BICD1: variants seen among roughly 807,000 people sequenced by gnomAD.
The protein encoded by BICD1 is protein bicaudal D homolog 1.
BICD1 carries 35 observed loss-of-function variants against 92.5 expected under a neutral mutation model. The observed-to-expected ratio is 0.38, with a 90% confidence interval of 0.29 to 0.50. The LOEUF is 0.50. Ranked by LOEUF, BICD1 falls within the 20% of genes least tolerant of loss-of-function variation. The probability of loss-of-function intolerance (pLI) is 0.93; values close to 1 mark genes in which losing one functional copy is unlikely to be tolerated. For synonymous variants in BICD1, 429 were observed against 465.1 expected (o/e 0.92, Z 1.00); for missense variants, 950 against 1,189.8 (o/e 0.80, Z 2.97).
At chr12:32,364,915 G>A (rs1005054422) in intron 8 of BICD1, among the ~76,000 whole-genome samples, 1 of 152,012 alleles carries the variant, frequency 6.6e-6, no homozygotes, top group Non-Finnish European at 1.5e-5. Context: ...AGCCACCTAG[G>A]CAACAGCATG....
At chr12:32,347,419 C>T (rs1230347848) in intron 8 of BICD1, among the ~76,000 whole-genome samples, 1 of 151,662 alleles carries the variant, frequency 6.6e-6, no homozygotes, top group Non-Finnish European at 1.5e-5. Context: ...GCGGGCAGAT[C>T]ACAAGGTCAA....
At chr12:32,158,184 C>T (rs1461148709) in intron 1 of BICD1, among the ~76,000 whole-genome samples, 1 of 150,126 alleles carries the variant, frequency 6.7e-6, no homozygotes, top group Non-Finnish European at 1.5e-5. Flanking sequence ...CAGCTCGCTG[C>T]AACCTCCGCC....
At chr12:32,107,986 C>T (rs1390805810) in intron 1 of BICD1, 1 of 421,720 alleles carries the variant, frequency 2.4e-6, no homozygotes, top group African/African-American at 2.0e-5. Flanking sequence ...CTCAGCTTTC[C>T]TCTGGATGTA....
At chr12:32,307,240 G>A (rs1382933075) in intron 4 of BICD1, among the ~76,000 whole-genome samples, 3 of 152,074 alleles carry the variant, frequency 2.0e-5, no homozygotes, top group South Asian at 2.1e-4. Context: ...CCAGGATACC[G>A]TATGATTAAA....
At chr12:32,244,095 A>G (rs900889047) in intron 2 of BICD1, among the ~76,000 whole-genome samples, 1 of 138,452 alleles carries the variant, frequency 7.2e-6, no homozygotes, top group Admixed American at 6.8e-5. Flanking sequence ...TTTCAAAATT[A>G]AAATCATTGT....
chr12:32,214,242 A>C (rs1288594328), intron 1 of BICD1, among the ~76,000 whole-genome samples: 1 of 152,136 alleles, frequency 6.6e-6, no homozygotes, highest in African/African-American at 2.4e-5. Context: ...AGAATCAGTA[A>C]CTTCTCCAAA....
chr12:32,198,378 G>A (rs1400122804), intron 1 of BICD1, among the ~76,000 whole-genome samples: 2 of 116,464 alleles, frequency 1.7e-5, no homozygotes, highest in African/African-American at 3.1e-5. Context: ...CAAAAATAAT[G>A]AAGAACCTGA....
intron 5 of BICD1, among the ~76,000 whole-genome samples, chr12:32,330,957 A>C (rs1404475265): frequency 6.6e-6 from 1 of 152,178 alleles, no homozygotes; most frequent in Non-Finnish European, 1.5e-5. Flanking sequence ...CAACATGGAG[A>C]AACACCGTCC....
At chr12:32,143,819 G>A (rs1435421067) in intron 1 of BICD1, among the ~76,000 whole-genome samples, 1 of 152,052 alleles carries the variant, frequency 6.6e-6, no homozygotes, top group Non-Finnish European at 1.5e-5. Context: ...TTTAACATTT[G>A]GCTCAACTGA....
intron 1 of BICD1, among the ~76,000 whole-genome samples, chr12:32,203,321 G>T (rs1474919889): frequency 1.3e-5 from 2 of 152,164 alleles, no homozygotes; most frequent in Non-Finnish European, 2.9e-5. Flanking sequence ...ATAAGGCAAA[G>T]GTTTGGTCAT....
chr12:32,357,479 C>T (rs757379179), intron 8 of BICD1, among the ~76,000 whole-genome samples: 8 of 152,114 alleles, frequency 5.3e-5, no homozygotes, highest in Admixed American at 2.6e-4. Flanking sequence ...GAAGTACTCT[C>T]GGCAGAGTAA....
At chr12:32,180,438 T>A (rs533763104) in intron 1 of BICD1, among the ~76,000 whole-genome samples, 8 of 152,086 alleles carry the variant, frequency 5.3e-5, no homozygotes, top group African/African-American at 1.4e-4. Context: ...ATTAGGCCTA[T>A]TTTTTGGCAT....
chr12:32,286,583 A>T (rs1947574656), intron 2 of BICD1, among the ~76,000 whole-genome samples: 1 of 152,210 alleles, frequency 6.6e-6, no homozygotes, highest in Non-Finnish European at 1.5e-5. Flanking sequence ...GCAGAAACCA[A>T]GTAACTTGAC....
At chr12:32,306,466 G>A (rs535018564) in intron 4 of BICD1, among the ~76,000 whole-genome samples, 61 of 151,892 alleles carry the variant, frequency 4.0e-4, no homozygotes, top group East Asian at 2.6e-3. Context: ...GGATGGTCTC[G>A]ATCTCCTGAC....
intron 4 of BICD1, among the ~76,000 whole-genome samples, chr12:32,315,059 G>C (rs1948464930): frequency 6.6e-6 from 1 of 152,072 alleles, no homozygotes. Flanking sequence ...TCATGGCTAG[G>C]TTTTCCTCTA....
intron 2 of BICD1, among the ~76,000 whole-genome samples, chr12:32,266,017 T>C (rs1448894639): frequency 2.6e-5 from 4 of 152,252 alleles, no homozygotes; most frequent in Non-Finnish European, 4.4e-5. Context: ...CCATAGTCTA[T>C]AGAGACTTTC....
intron 1 of BICD1, among the ~76,000 whole-genome samples, chr12:32,118,050 G>A (rs143467128): frequency 1.2e-3 from 80 of 65,462 alleles, no homozygotes; most frequent in African/African-American, 4.0e-3. Context: ...GCACCGGCCC[G>A]CTTAGTCCAA....
intron 2 of BICD1, among the ~76,000 whole-genome samples, chr12:32,265,052 G>A (rs1275436141): frequency 1.3e-5 from 2 of 151,946 alleles, no homozygotes; most frequent in South Asian, 2.1e-4. Flanking sequence ...AGCTGCCTTA[G>A]CCTTCTGAAC....
At chr12:32,128,146 T>C (rs1942410153) in intron 1 of BICD1, among the ~76,000 whole-genome samples, 1 of 152,136 alleles carries the variant, frequency 6.6e-6, no homozygotes, top group African/African-American at 2.4e-5. Flanking sequence ...TCAGGTGATC[T>C]GCCCGCCTCC....
Sources: gnomAD v4.1 joint callset for allele counts (sites outside exome capture counted in the v4.1 genomes callset) on GRCh38, gnomAD v4.1.1 for gene constraint, MANE v1.5 for transcripts, NCBI Gene and HGNC (gene_info 2026-07-23, HGNC 2026-07-21) for gene names.